The following RANBP2 variants were observed in gnomAD, a reference collection of about 807,000 sequenced individuals.
RANBP2 encodes the protein RAN binding protein 2.
In RANBP2, 57 loss-of-function variants were observed where a neutral mutation model predicts 303.6. The observed-to-expected ratio is 0.19, with a 90% CI of 0.15 to 0.23. RANBP2 has a LOEUF of 0.23. Among genes scored for constraint, RANBP2 ranks in the 10% least tolerant of loss-of-function variants. RANBP2 has a pLI of 1.00. For missense variants in RANBP2, 3,138 were observed against 3,780.8 expected (o/e 0.83, Z 4.46); for synonymous variants, 1,167 against 1,301.5 (o/e 0.90, Z 2.23).
the RANBP2 span, among the ~76,000 whole-genome samples, chr2:109,243,923 A>G: frequency 6.6e-6 from 1 of 152,200 alleles, no homozygotes; most frequent in East Asian, 1.9e-4. Flanking sequence ...AGACACCAGA[A>G]GAGCTCATGC....
At chr2:109,299,668 C>A in the RANBP2 span, among the ~76,000 whole-genome samples, 2 of 152,156 alleles carry the variant, frequency 1.3e-5, no homozygotes. Context: ...ACTTGCCGAA[C>A]CTAAAAGCCA....
chr2:109,366,572 G>C, the RANBP2 span, among the ~76,000 whole-genome samples: 3 of 152,214 alleles, frequency 2.0e-5, no homozygotes, highest in African/African-American at 7.2e-5. Context: ...TTTATGGCTG[G>C]GCATGGTGGT....
the RANBP2 span, among the ~76,000 whole-genome samples, chr2:108,945,602 TGAAAG>T: frequency 6.6e-6 from 1 of 152,040 alleles, no homozygotes; most frequent in African/African-American, 2.4e-5. Flanking sequence ...GGACTGGAAA[TGAAAG>T]GAAAATAAAA....
the RANBP2 span, among the ~76,000 whole-genome samples, chr2:108,988,406 C>T: frequency 6.6e-6 from 1 of 152,190 alleles, no homozygotes; most frequent in Non-Finnish European, 1.5e-5. Context: ...AAACCTCAAT[C>T]ATCACAAATA....
the RANBP2 span, among the ~76,000 whole-genome samples, chr2:109,134,333 A>ATC: frequency 6.6e-6 from 1 of 152,186 alleles, no homozygotes; most frequent in African/African-American, 2.4e-5. Context: ...TCCAGAGGAA[A>ATC]AGGCTGGCAC....
chr2:109,649,394 C>A, the RANBP2 span, among the ~76,000 whole-genome samples: 2 of 151,790 alleles, frequency 1.3e-5, no homozygotes, highest in Non-Finnish European at 2.9e-5. Context: ...TTATGAATTT[C>A]TTTTTCTTTT....
At position 108,746,794 on chromosome 2, in the gene RANBP2, A is replaced by G; in HGVS notation, c.1059A>G (p.Gln353=). 8.6e-7 allele frequency: 1 copy of G among 1,159,880 alleles called. No homozygotes were observed. The highest frequency in any genetic ancestry group is 1.2e-6 in the Non-Finnish European group (1 of 827,282). The allele number at this position is 1,159,880 out of a possible 1,614,324, so 71.8% of individuals were successfully genotyped here. Residue 353 remains glutamine (Q), a synonymous_variant, in exon 8 of 29, where the codon CAA becomes CAG. Transcript: ENST00000283195. ...LEMMACDRLS[Q]SGHMLLNLSR... is the part of the protein sequence containing the mutation. ...TGATGGCCTGTGACCGACTGAGCCA[A>G]TCAGGTAATAGTAATATTAAACTAA... is the stretch of plus-strand genomic sequence containing the variant.
chr2:109,193,702 A>T, the RANBP2 span, among the ~76,000 whole-genome samples: 1 of 152,188 alleles, frequency 6.6e-6, no homozygotes, highest in African/African-American at 2.4e-5. Context: ...GTCTAGAAAG[A>T]TCAGTATGTA....
At chr2:109,677,691 C>G in the RANBP2 span, among the ~76,000 whole-genome samples, 3 of 152,178 alleles carry the variant, frequency 2.0e-5, no homozygotes, top group Non-Finnish European at 4.4e-5. Flanking sequence ...AACCACCAAT[C>G]CCTGTCTCTG....
rs1452035299 is a variant in RANBP2, at chr2:108,775,878, G to A, written c.8439G>A (p.Met2813Ile). 12 of 1,612,908 alleles carry A rather than the reference G, an allele frequency of 7.4e-6. No homozygotes were observed. The highest frequency in any genetic ancestry group is 1.0e-5 in the Non-Finnish European group (12 of 1,179,896). The change falls in exon 24 of 29, where the codon ATG (methionine) becomes ATA (isoleucine). Residue 2813 changes from methionine to isoleucine, a missense_variant. Physicochemically the swap from Met to Ile is conservative, Grantham distance 10. This residue lies in a region of RANBP2 where 497 missense variants were observed against 465.8 expected (regional missense o/e 1.07). Coordinates refer to ENST00000283195, the MANE Select transcript of RANBP2 (RefSeq NM_006267.5). The stretch of plus-strand genomic sequence containing the variant: ...CACCATCTGTTTCCTCTGAAACTAT[G>A]GACAAACCTGTAGATTTGTCAACTA... Reference protein sequence around the residue: ...ISSPSVSSETMDKPVDLSTRK... With the variant: ...ISSPSVSSETIDKPVDLSTRK...
At chr2:109,190,612 TA>T in the RANBP2 span, among the ~76,000 whole-genome samples, 2 of 152,238 alleles carry the variant, frequency 1.3e-5, no homozygotes, top group Non-Finnish European at 2.9e-5. Flanking sequence ...CCATTGCAAC[TA>T]ATTATATTGC....
the RANBP2 span, among the ~76,000 whole-genome samples, chr2:109,296,055 C>T: frequency 1.3e-4 from 20 of 152,032 alleles, no homozygotes; most frequent in African/African-American, 4.3e-4. Flanking sequence ...GTTTCCTCCC[C>T]AGGATCCCTT....
chr2:109,278,464 G>A, the RANBP2 span, among the ~76,000 whole-genome samples: 1 of 152,196 alleles, frequency 6.6e-6, no homozygotes, highest in Non-Finnish European at 1.5e-5. Flanking sequence ...AAATGTGCCC[G>A]ATGAACAAAG....
chr2:109,567,013 T>A, the RANBP2 span, among the ~76,000 whole-genome samples: 1 of 151,920 alleles, frequency 6.6e-6, no homozygotes, highest in African/African-American at 2.4e-5. Flanking sequence ...TTTACATTAG[T>A]CAGTTTTTTT....
At chr2:109,240,003 C>T in the RANBP2 span, among the ~76,000 whole-genome samples, 2 of 152,210 alleles carry the variant, frequency 1.3e-5, no homozygotes, top group African/African-American at 4.8e-5. Context: ...CTTGCTGGCT[C>T]ATGATAGATG....
chr2:109,432,141 C>T, the RANBP2 span, among the ~76,000 whole-genome samples: 2 of 152,198 alleles, frequency 1.3e-5, no homozygotes, highest in Non-Finnish European at 2.9e-5. Flanking sequence ...CACTGGAAAT[C>T]CAAAGAGCTG....
At chr2:108,849,354 G>GA in the RANBP2 span, among the ~76,000 whole-genome samples, 1 of 152,056 alleles carries the variant, frequency 6.6e-6, no homozygotes, top group Non-Finnish European at 1.5e-5. Flanking sequence ...CAAATCCAAG[G>GA]AGCATGTCCA....
At chr2:108,938,871 C>T in the RANBP2 span, among the ~76,000 whole-genome samples, 1 of 151,014 alleles carries the variant, frequency 6.6e-6, no homozygotes, top group Middle Eastern at 3.2e-3. Context: ...CCTCCACCTC[C>T]TGGGTTCAAG....
chr2:109,490,662 T>A, the RANBP2 span: 1 of 1,508,748 alleles, frequency 6.6e-7, no homozygotes, highest in Non-Finnish European at 8.9e-7. Context: ...CAAGAAGAAG[T>A]CACGCTCCCC....
Sources: allele counts gnomAD v4.1 joint callset (sites outside exome capture counted in the v4.1 genomes callset), GRCh38; gene constraint gnomAD v4.1.1; regional missense constraint gnomAD v4.1.1; transcripts MANE v1.5; gene names NCBI Gene and HGNC (gene_info 2026-07-23, HGNC 2026-07-21).